APBA1: variants seen among roughly 807,000 people sequenced by gnomAD.
APBA1 encodes the protein amyloid beta precursor protein binding family A member 1, also known as amyloid-beta A4 precursor protein-binding family A member 1.
APBA1 carries 55 observed loss-of-function variants against 86.6 expected under a neutral mutation model. The observed-to-expected ratio is 0.64, with a 90% CI of 0.51 to 0.80. The LOEUF (loss-of-function observed/expected upper bound fraction) is 0.80, where lower values mean the gene tolerates loss of function less well. APBA1 is among the 30% of genes least tolerant of loss of function. The pLI is 0.00. For synonymous variants in APBA1, 511 were observed against 493.9 expected (o/e 1.03, Z -0.46); for missense variants, 1,090 against 1,183.0 (o/e 0.92, Z 1.15).
intron 1 of APBA1, among the ~76,000 whole-genome samples, chr9:69,604,886 G>A (rs1324098341): frequency 6.6e-6 from 1 of 151,870 alleles, no homozygotes; most frequent in Non-Finnish European, 1.5e-5. Flanking sequence ...GTACGCACAT[G>A]AGGGTAAGAG....
chr9:69,653,025 C>CA (rs945624043), intron 1 of APBA1, among the ~76,000 whole-genome samples: 4 of 139,314 alleles, frequency 2.9e-5, no homozygotes, highest in African/African-American at 1.0e-4. Context: ...AAAAAAAAAA[C>CA]AAAAAAACAA....
chr9:69,458,387 A>G (rs537954745), intron 5 of APBA1, among the ~76,000 whole-genome samples, 199 bp from the exon 6 acceptor site: 2 of 152,378 alleles, frequency 1.3e-5, no homozygotes, highest in South Asian at 4.1e-4. Context: ...GAAGTGGTGA[A>G]GTGAGACAAA....
rs368834446 is a variant in APBA1 at position 69,471,933 on chromosome 9, CAGAG to C, written c.1297-242_1297-239del. 8.1e-4 allele frequency among the ~76,000 whole-genome samples: 124 copies of C among 152,260 alleles called. 1 individual carries two copies. In the East Asian group the frequency reaches 0.023, roughly 28 times the overall value. On this transcript the variant is annotated intron_variant, in intron 3 of 12. Transcript: ENST00000265381. ...ATCTAGAAATCTTACATTTCACAATCAGAGAGGTATTTGCCAACTAAAAAACAAT... is the reference window on the plus strand; with the variant it reads ...ATCTAGAAATCTTACATTTCACAATCAGGTATTTGCCAACTAAAAAACAAT...
intron 1 of APBA1, among the ~76,000 whole-genome samples, chr9:69,577,910 G>A (rs569748635): frequency 1.3e-5 from 2 of 152,216 alleles, no homozygotes; most frequent in Admixed American, 1.3e-4. Context: ...AATGCTCCCA[G>A]TGTGGCAGCA....
chr9:69,434,781 G>T (rs1008527236), intron 11 of APBA1, among the ~76,000 whole-genome samples: 1 of 150,986 alleles, frequency 6.6e-6, no homozygotes, highest in Non-Finnish European at 1.5e-5. Flanking sequence ...TTACTAAAAT[G>T]TCCACTTTAA....
chr9:69,582,060 CT>C (rs1180204509), intron 1 of APBA1, among the ~76,000 whole-genome samples: 1 of 151,964 alleles, frequency 6.6e-6, no homozygotes, highest in Non-Finnish European at 1.5e-5. Context: ...GTCTGAAGAC[CT>C]TTTTTAGTGA....
intron 1 of APBA1, among the ~76,000 whole-genome samples, chr9:69,633,646 C>T (rs1407104262): frequency 6.6e-6 from 1 of 152,166 alleles, no homozygotes; most frequent in African/African-American, 2.4e-5. Flanking sequence ...GTTTCCTCTC[C>T]ATCTGCATTC....
chr9:69,515,586 TC>T (rs1173405040), intron 2 of APBA1, among the ~76,000 whole-genome samples: 1 of 151,302 alleles, frequency 6.6e-6, no homozygotes, highest in Non-Finnish European at 1.5e-5. Context: ...TTTGCAATAA[TC>T]CTTTCCAGTG....
intron 2 of APBA1, among the ~76,000 whole-genome samples, chr9:69,488,249 G>C (rs1835642894): frequency 6.6e-6 from 1 of 151,986 alleles, no homozygotes; most frequent in Non-Finnish European, 1.5e-5. Context: ...CTTCATGATT[G>C]AGATGACCCT....
chr9:69,493,964 C>T (rs551446178), intron 2 of APBA1, among the ~76,000 whole-genome samples: 1 of 151,884 alleles, frequency 6.6e-6, no homozygotes, highest in Non-Finnish European at 1.5e-5. Context: ...TTTAAAAACC[C>T]CAAATATATG....
intron 1 of APBA1, among the ~76,000 whole-genome samples, chr9:69,614,552 A>G (rs897372559): frequency 4.6e-5 from 7 of 152,240 alleles, no homozygotes; most frequent in Admixed American, 1.3e-4. Flanking sequence ...ATTCCTTGTC[A>G]ATTGCAAATT....
intron 1 of APBA1, among the ~76,000 whole-genome samples, chr9:69,649,707 C>T (rs1173075753): frequency 6.6e-6 from 1 of 152,164 alleles, no homozygotes; most frequent in Non-Finnish European, 1.5e-5. Context: ...GCACTCACAT[C>T]ACAGTGAGTA....
chr9:69,615,371 A>G (rs1822679178), intron 1 of APBA1, among the ~76,000 whole-genome samples: 1 of 152,238 alleles, frequency 6.6e-6, no homozygotes, highest in Admixed American at 6.5e-5. Flanking sequence ...AGTTATTTCC[A>G]TAAGTTCAAA....
At chr9:69,627,569 G>A (rs989676307) in intron 1 of APBA1, among the ~76,000 whole-genome samples, 1 of 152,110 alleles carries the variant, frequency 6.6e-6, no homozygotes, top group Non-Finnish European at 1.5e-5. Flanking sequence ...TAACCTAAAC[G>A]ACTTTCCTGG....
intron 2 of APBA1, among the ~76,000 whole-genome samples, chr9:69,501,629 A>AACACACACACAC (rs57033911): frequency 7.0e-6 from 1 of 142,188 alleles, no homozygotes; most frequent in South Asian, 2.4e-4. Context: ...GTCTCTACAA[A>AACACACACACAC]ACACACACAC....
chr9:69,612,703 C>CA (rs1431656016), intron 1 of APBA1, among the ~76,000 whole-genome samples: 1 of 151,494 alleles, frequency 6.6e-6, no homozygotes, highest in Non-Finnish European at 1.5e-5. Context: ...CAAAATGTAC[C>CA]AAAAAGATGT....
chr9:69,470,396 C>T (rs992427364), intron 4 of APBA1, among the ~76,000 whole-genome samples: 9 of 152,162 alleles, frequency 5.9e-5, no homozygotes, highest in Non-Finnish European at 8.8e-5. Flanking sequence ...CATGTGACAT[C>T]CTCATACTCA....
chr9:69,522,872 C>T (rs977122689), intron 1 of APBA1, among the ~76,000 whole-genome samples: 2 of 151,808 alleles, frequency 1.3e-5, no homozygotes, highest in African/African-American at 4.8e-5. Context: ...AAGAAAATCT[C>T]TCTTCCTCTA....
chr9:69,496,288 T>A (rs1158545456), intron 2 of APBA1, among the ~76,000 whole-genome samples: 1 of 152,112 alleles, frequency 6.6e-6, no homozygotes, highest in Non-Finnish European at 1.5e-5. Context: ...TCTGAATAGA[T>A]GACTTTAGCC....
Sources: gnomAD v4.1 joint callset for allele counts (sites outside exome capture counted in the v4.1 genomes callset) on GRCh38, gnomAD v4.1.1 for gene constraint, MANE v1.5 for transcripts, NCBI Gene and HGNC (gene_info 2026-07-23, HGNC 2026-07-21) for gene names.